ALDH18A1: variants seen among roughly 807,000 people sequenced by gnomAD.
ALDH18A1 encodes the protein delta-1-pyrroline-5-carboxylate synthase.
ALDH18A1 carries 44 observed loss-of-function variants against 88.8 expected under a neutral mutation model. The observed-to-expected ratio is 0.50, with a 90% CI of 0.39 to 0.64. The LOEUF (loss-of-function observed/expected upper bound fraction) is 0.64. Ranked by LOEUF, ALDH18A1 falls within the 30% of genes least tolerant of loss-of-function variation. ALDH18A1 has a pLI of 0.00. For synonymous variants in ALDH18A1, 331 were observed against 372.1 expected, an observed-to-expected ratio of 0.89 and a Z score of 1.27; for missense variants, 782 against 1,009.5, an observed-to-expected ratio of 0.77 and a Z score of 3.05.
chr10:95,634,863 C>T (rs1010858114), intron 5 of ALDH18A1, among the ~76,000 whole-genome samples: 2 of 152,080 alleles, frequency 1.3e-5, no homozygotes, highest in East Asian at 1.9e-4. Context: ...CTAATGTTTA[C>T]GGAAGAGCGT....
At chr10:95,632,925 A>C (rs760379159) in intron 7 of ALDH18A1, 34 bp downstream of exon 7, 1 of 1,563,178 alleles carries the variant, frequency 6.4e-7, no homozygotes, top group South Asian at 1.1e-5. Context: ...TTTAAAACAA[A>C]GGGCAGATAA....
intron 3 of ALDH18A1, among the ~76,000 whole-genome samples, chr10:95,642,363 C>T (rs921850153): frequency 1.3e-5 from 2 of 152,168 alleles, no homozygotes; most frequent in African/African-American, 4.8e-5. Flanking sequence ...TTTGCAGGCC[C>T]AGCACTTTGG....
rs538919803 is a variant in ALDH18A1, at chr10:95,651,132, C to CA, written c.88+2157dup. On this transcript the variant is annotated intron_variant, in intron 2 of 17. Coordinates refer to ENST00000371224, the MANE Select transcript of ALDH18A1 (RefSeq NM_002860.4). ...TGGGTGACAGGGCAAGACTCCATCT[C>CA]AAAAAACAAAAAAAAACAAAAAGAA... is the stretch of plus-strand genomic sequence containing the variant. 1.5e-4 allele frequency among the ~76,000 whole-genome samples: 23 copies of CA among 149,536 alleles called. No individual in the cohort carries two copies. In the South Asian group the frequency reaches 2.7e-3, roughly 18 times the overall value.
chr10:95,639,894 C>G (rs935627642), intron 3 of ALDH18A1, among the ~76,000 whole-genome samples: 1 of 151,058 alleles, frequency 6.6e-6, no homozygotes, highest in African/African-American at 2.4e-5. Flanking sequence ...CTTTGTATAC[C>G]CTATAAACTG....
rs1001935271 is a variant in ALDH18A1, at chr10:95,606,687, G to A, written c.*75C>T. On this transcript the variant is annotated 3_prime_UTR_variant, in exon 18 of 18. Transcript: ENST00000371224. ...CCCTACCAGGAACTGGGAGACAAGA[G>A]CGGGCTCTCTCCTGAGATAAGACAA... The A allele has an allele frequency of 6.2e-7, 1 of 1,612,446 alleles. No homozygotes were observed. The highest frequency in any genetic ancestry group is 8.5e-7 in the Non-Finnish European group (1 of 1,179,772).
intron 16 of ALDH18A1, among the ~76,000 whole-genome samples, chr10:95,610,951 A>T (rs2097832975): frequency 6.6e-6 from 1 of 152,200 alleles, no homozygotes; most frequent in African/African-American, 2.4e-5. Flanking sequence ...TGGTTTCCTC[A>T]GCTGTAAAAT....
chr10:95,610,021 C>T (rs1423599543), intron 17 of ALDH18A1, among the ~76,000 whole-genome samples, 176 bp downstream of exon 17: 1 of 152,084 alleles, frequency 6.6e-6, no homozygotes, highest in Non-Finnish European at 1.5e-5. Context: ...CCACCCACCT[C>T]GGCCTCCCAA....
chr10:95,608,861 T>C (rs907550946), intron 17 of ALDH18A1, among the ~76,000 whole-genome samples: 8 of 152,114 alleles, frequency 5.3e-5, no homozygotes, highest in African/African-American at 1.9e-4. Flanking sequence ...CATAAATGTA[T>C]TATTGGAGGT....
intron 2 of ALDH18A1, among the ~76,000 whole-genome samples, chr10:95,651,084 G>A (rs1359270861): frequency 6.6e-6 from 1 of 152,078 alleles, no homozygotes; most frequent in Non-Finnish European, 1.5e-5. Context: ...AGTGAGCTGA[G>A]ATTGCGCCAC....
At chr10:95,646,386 G>C (rs181444810) in intron 2 of ALDH18A1, among the ~76,000 whole-genome samples, 2 of 152,240 alleles carry the variant, frequency 1.3e-5, no homozygotes, top group Non-Finnish European at 2.9e-5. Context: ...GGTAGTCAAG[G>C]GTCATTCTGG....
chr10:95,632,211 T>G (rs889891968), intron 7 of ALDH18A1, among the ~76,000 whole-genome samples: 1 of 152,162 alleles, frequency 6.6e-6, no homozygotes, highest in Non-Finnish European at 1.5e-5. Context: ...GGAGACTGCC[T>G]AGGGATGGGG....
intron 16 of ALDH18A1, 121 bp from the exon 17 acceptor site, chr10:95,610,413 G>C (rs1202224336): frequency 2.4e-6 from 2 of 817,652 alleles, no homozygotes; most frequent in Non-Finnish European, 4.1e-6. Flanking sequence ...CTCTCCATGT[G>C]TTCTCACGTA....
chr10:95,648,650 G>C (rs968661676), intron 2 of ALDH18A1, among the ~76,000 whole-genome samples: 4 of 152,210 alleles, frequency 2.6e-5, no homozygotes, highest in Non-Finnish European at 4.4e-5. Flanking sequence ...AAGAGGACTT[G>C]TAGCTACCAT....
chr10:95,651,730 C>A (rs1176216810), intron 2 of ALDH18A1, among the ~76,000 whole-genome samples: 1 of 152,172 alleles, frequency 6.6e-6, no homozygotes, highest in Admixed American at 6.5e-5. Flanking sequence ...GAGGGATTCA[C>A]CCCCATGACT....
intron 11 of ALDH18A1, among the ~76,000 whole-genome samples, chr10:95,621,473 C>A (rs2097852531): frequency 6.6e-6 from 1 of 151,946 alleles, no homozygotes; most frequent in Non-Finnish European, 1.5e-5. Flanking sequence ...GCATGCACCA[C>A]CAGGCCTGGC....
At chr10:95,627,398 T>C (rs2097861940) in intron 9 of ALDH18A1, 44 bp downstream of exon 9, 1 of 1,612,042 alleles carries the variant, frequency 6.2e-7, no homozygotes, top group African/African-American at 1.3e-5. Context: ...CAGGTGTCAC[T>C]AGTTCCCATC....
intron 11 of ALDH18A1, among the ~76,000 whole-genome samples, chr10:95,621,560 C>T (rs1327636379): frequency 6.6e-6 from 1 of 152,086 alleles, no homozygotes; most frequent in Non-Finnish European, 1.5e-5. Context: ...GATCCACCTG[C>T]CTCGACCTCC....
intron 11 of ALDH18A1, among the ~76,000 whole-genome samples, chr10:95,624,864 ATCCTGG>A (rs2139582454): frequency 6.6e-6 from 1 of 152,326 alleles, no homozygotes; most frequent in South Asian, 2.1e-4. Context: ...CTGTGTTTAA[ATCCTGG>A]TCCATCACTG....
intron 13 of ALDH18A1, among the ~76,000 whole-genome samples, chr10:95,614,901 A>C (rs1461159822): frequency 6.6e-6 from 1 of 152,228 alleles, no homozygotes; most frequent in East Asian, 1.9e-4. Context: ...ATGCAGGTAA[A>C]TGGAACACTA....
Sources: gnomAD v4.1 joint callset for allele counts (sites outside exome capture counted in the v4.1 genomes callset) on GRCh38, gnomAD v4.1.1 for gene constraint, MANE v1.5 for transcripts, NCBI Gene and HGNC (gene_info 2026-07-23, HGNC 2026-07-21) for gene names.